Variants in NUP62CL observed in about 807,000 individuals in gnomAD.
The protein encoded by NUP62CL is nucleoporin-62 C-terminal-like protein.
NUP62CL carries 13 observed loss-of-function variants against 15.3 expected under a neutral mutation model. That is an observed-to-expected ratio of 0.85 (90% CI 0.55 to 1.35). The LOEUF (loss-of-function observed/expected upper bound fraction) is 1.35. Ranked by LOEUF, NUP62CL falls within the 40% of genes most tolerant of loss-of-function variation. The pLI is 0.00. For missense variants in NUP62CL, 123 were observed against 130.6 expected (o/e 0.94, Z 0.28); for synonymous variants, 54 against 49.2 (o/e 1.10, Z -0.41).
intron 3 of NUP62CL, among the ~76,000 whole-genome samples, chrX:107,172,328 T>TA (rs1277453282): frequency 3.7e-5 from 4 of 108,597 alleles, no homozygotes; most frequent in Admixed American, 3.0e-4. Context: ...GACTGTATCT[T>TA]AAAAAAAAAG....
At chrX:107,178,643 A>T (rs1479434629) in intron 2 of NUP62CL, among the ~76,000 whole-genome samples, 1 of 112,085 alleles carries the variant, frequency 8.9e-6, no homozygotes, top group African/African-American at 3.2e-5. Context: ...GCCTGCATTC[A>T]ACTGTCATGG....
At chrX:107,157,663 G>A (rs1375056675) in intron 4 of NUP62CL, among the ~76,000 whole-genome samples, 9 of 108,061 alleles carry the variant, frequency 8.3e-5, no homozygotes, top group Non-Finnish European at 1.5e-4. Flanking sequence ...GGTACCAGCC[G>A]CTGCAAAATC....
chrX:107,127,974 A>G (rs753849466), intron 8 of NUP62CL, among the ~76,000 whole-genome samples: 2 of 112,140 alleles, frequency 1.8e-5, no homozygotes, highest in East Asian at 5.5e-4. Flanking sequence ...TGGTGGTGGT[A>G]GTAATTACAG....
chrX:107,193,287 G>A (rs1164528172), intron 1 of NUP62CL, among the ~76,000 whole-genome samples: 5 of 112,127 alleles, frequency 4.5e-5, no homozygotes, highest in Non-Finnish European at 9.4e-5. Context: ...GACAGAAAGG[G>A]AATTCATACC....
chrX:107,198,992 T>C (rs1018013463), intron 1 of NUP62CL, among the ~76,000 whole-genome samples: 4 of 112,230 alleles, frequency 3.6e-5, no homozygotes, highest in Non-Finnish European at 1.9e-5. Flanking sequence ...CTGCTCTGTG[T>C]ACTACCTACT....
At position 107,181,747 on chromosome X, in the gene NUP62CL, C is replaced by T. The variant is rs1926925361; in HGVS notation, c.-47-6554G>A. Among the ~76,000 whole-genome samples the T allele has an allele frequency of 2.7e-5, 3 of 111,638 alleles. No homozygotes were observed. In the Admixed American group the frequency reaches 2.9e-4, roughly 11 times the overall value. On this transcript the variant is annotated intron_variant, in intron 2 of 8. Transcript: ENST00000372466. ...TATAGGGTCTGAGCATTCAGTGGGT[C>T]TTTTCATTTATTCACATCCTCTTTT...
Position 107,179,283 on chromosome X carries a change from T to C in NUP62CL, c.-47-4090A>G, listed in dbSNP as rs1341566032. ...TCAAAGAATACTGTCTTATTACTGA[T>C]ATTTTTAAATTTTATTTTAAAGTTA... On this transcript the variant is annotated intron_variant, in intron 2 of 8. Transcript: ENST00000372466. 2.7e-5 allele frequency among the ~76,000 whole-genome samples: 3 copies of C among 111,370 alleles called. No homozygotes were observed. The East Asian group carries it at 8.4e-4, about 31-fold the overall frequency.
intron 3 of NUP62CL, among the ~76,000 whole-genome samples, chrX:107,174,033 TTCTTTC>T (rs1344022021): frequency 1.6e-4 from 16 of 102,837 alleles, no homozygotes; most frequent in African/African-American, 5.1e-4. Context: ...TTTTTTTTCT[TTCTTTC>T]TCTCTCTCTC....
At chrX:107,147,708 T>C in intron 8 of NUP62CL, 35 bp downstream of exon 8, 2 of 866,286 alleles carry the variant, frequency 2.3e-6, no homozygotes, top group Non-Finnish European at 3.4e-6. Context: ...CTACTTGCAA[T>C]AAATACACAG....
intron 8 of NUP62CL, among the ~76,000 whole-genome samples, chrX:107,143,075 C>T: frequency 9.0e-6 from 1 of 111,520 alleles, no homozygotes; most frequent in Non-Finnish European, 1.9e-5. Flanking sequence ...ACTTTGACAC[C>T]TTTCTAGTTC....
intron 8 of NUP62CL, among the ~76,000 whole-genome samples, chrX:107,125,029 A>G (rs938348498): frequency 8.9e-6 from 1 of 111,750 alleles, no homozygotes; most frequent in Non-Finnish European, 1.9e-5. Context: ...TGACTCTTGG[A>G]AAACATAGGT....
intron 4 of NUP62CL, among the ~76,000 whole-genome samples, chrX:107,156,037 G>A (rs925412173): frequency 7.2e-5 from 8 of 111,049 alleles, no homozygotes; most frequent in African/African-American, 2.7e-4. Context: ...CTGGAAAATC[G>A]GGTCACTCCC....
intron 8 of NUP62CL, among the ~76,000 whole-genome samples, chrX:107,128,765 G>C (rs1925444342): frequency 9.0e-6 from 1 of 111,551 alleles, no homozygotes; most frequent in East Asian, 2.8e-4. Flanking sequence ...ATATAGATGA[G>C]GAAAGAATAT....
chrX:107,142,106 T>G (rs6523924), intron 8 of NUP62CL, among the ~76,000 whole-genome samples: 25,829 of 108,989 alleles, frequency 0.24, 2,588 homozygotes, highest in East Asian at 0.47. Context: ...GCACCAAAGC[T>G]TCTTAAAAAA....
In NUP62CL at chrX:107,206,427, C is replaced by G. The variant is rs1927694582; in HGVS notation, c.-246G>C. On this transcript the variant is annotated 5_prime_UTR_variant, in exon 1 of 9. Transcript: ENST00000372466. The stretch of plus-strand genomic sequence containing the variant: ...AGGTTCCCGCTGAAGTGAAGCTAAC[C>G]GAGACTGAGGCTTAAAAGGGGTCGA... 1 of 110,319 alleles carries G rather than the reference C, an allele frequency of 9.1e-6. No individual in the cohort carries two copies. Among genetic ancestry groups the G allele is most frequent in the East Asian group, 2.9e-4 (1 of 3,497 alleles). 9.1% of individuals were successfully genotyped at this position (110,319 alleles called of 1,213,427 possible). A position where few individuals can be genotyped will look rare whatever the true frequency, so the allele number is the denominator to read the frequency against.
At chrX:107,167,609 A>T (rs372408485) in intron 4 of NUP62CL, 40 bp downstream of exon 4, 10 of 995,088 alleles carry the variant, frequency 1.0e-5, no homozygotes, top group Middle Eastern at 2.6e-4. Context: ...CATGATAAAT[A>T]AAATGAAACA....
At chrX:107,194,343 G>A (rs750507751) in intron 1 of NUP62CL, among the ~76,000 whole-genome samples, 3 of 111,234 alleles carry the variant, frequency 2.7e-5, no homozygotes, top group Admixed American at 1.9e-4. Flanking sequence ...AGTTACCAGA[G>A]AGAAAAAAAC....
chrX:107,150,871 A>G (rs1263681076), intron 7 of NUP62CL: 4 of 341,256 alleles, frequency 1.2e-5, no homozygotes, highest in African/African-American at 1.1e-4. Flanking sequence ...CAGTAGTGTC[A>G]GAAGAACTTT....
At chrX:107,197,402 G>A (rs958811281) in intron 1 of NUP62CL, among the ~76,000 whole-genome samples, 1 of 110,649 alleles carries the variant, frequency 9.0e-6, no homozygotes, top group African/African-American at 3.3e-5. Flanking sequence ...AAACAGGTCT[G>A]TACTCCCTAT....
Sources: allele counts gnomAD v4.1 joint callset (sites outside exome capture counted in the v4.1 genomes callset), GRCh38; gene constraint gnomAD v4.1.1; transcripts MANE v1.5; gene names NCBI Gene and HGNC (gene_info 2026-07-23, HGNC 2026-07-21).